The following ZSCAN2 variants were observed in gnomAD, a reference collection of about 807,000 sequenced individuals.
ZSCAN2 encodes zinc finger and SCAN domain-containing protein 2.
Under a neutral mutation model 47.8 loss-of-function variants are expected in ZSCAN2, and 26 were observed. That is an observed-to-expected ratio of 0.54 (90% CI 0.40 to 0.75). ZSCAN2 has a LOEUF of 0.75. ZSCAN2 is among the 30% of genes least tolerant of loss of function. The probability of loss-of-function intolerance (pLI) is 0.00; values close to 1 mark genes in which losing one functional copy is unlikely to be tolerated. For missense variants in ZSCAN2, 732 were observed against 785.4 expected (o/e 0.93, Z 0.81); for synonymous variants, 305 against 288.7 (o/e 1.06, Z -0.57).
intron 2 of ZSCAN2, chr15:84,614,500 T>C (rs1895642693): frequency 6.6e-6 from 1 of 152,250 alleles, no homozygotes; most frequent in Admixed American, 6.5e-5. Flanking sequence ...GTTGCCATGG[T>C]AGTTTTAGTC....
At chr15:84,606,772 G>T in intron 2 of ZSCAN2, 1 of 1,362,236 alleles carries the variant, frequency 7.3e-7, no homozygotes, top group Non-Finnish European at 9.4e-7. Context: ...GGGCACCTGA[G>T]ATGGGAACCA....
At chr15:84,612,037 A>G (rs1249142628) in intron 2 of ZSCAN2, 1 of 152,226 alleles carries the variant, frequency 6.6e-6, no homozygotes, top group African/African-American at 2.4e-5. Context: ...TTAATTGGCC[A>G]CCAATAAATA....
chr15:84,619,637 C>T (rs1282555852), intron 2 of ZSCAN2, among the ~76,000 whole-genome samples: 1 of 152,136 alleles, frequency 6.6e-6, no homozygotes, highest in Admixed American at 6.6e-5. Flanking sequence ...ATTATATAAG[C>T]TCCTTTTGAA....
chr15:84,620,565 T>A (rs1282839804), intron 2 of ZSCAN2, 37 bp from the exon 3 acceptor site: 1 of 1,524,362 alleles, frequency 6.6e-7, no homozygotes. Flanking sequence ...TGACAGGGAG[T>A]TGAGTAGACA....
At position 84,621,304 on chromosome 15, in the gene ZSCAN2, G is replaced by A. The variant is rs770122410; in HGVS notation, c.1109G>A (p.Ser370Asn). ...TACGAATGTAAAGAATGCGGCGAAA[G>A]CTTTAGTTACAACTCCAATCTAATC... ...KPYECKECGE[S>N]FSYNSNLIRH... The change falls in exon 3 of 3, where the codon AGC becomes AAC. Residue 370 changes from serine (S) to asparagine (N), a missense_variant. Physicochemically the swap from Ser to Asn is conservative, Grantham distance 46. Around this residue, in one of 2 missense-constraint regions of ZSCAN2, gnomAD observed 412 missense variants for 498.0 expected, o/e 0.83. Transcript: ENST00000546148. The surrounding 1 kb of genome is among the most constrained non-coding windows in gnomAD (Gnocchi z 5.7). The A allele has an allele frequency of 1.8e-5, 29 of 1,613,886 alleles. No homozygotes were observed. In the Admixed American group the frequency reaches 2.3e-4, roughly 13 times the overall value.
At chr15:84,608,644 C>T (rs1895455126) in intron 2 of ZSCAN2, among the ~76,000 whole-genome samples, 1 of 152,022 alleles carries the variant, frequency 6.6e-6, no homozygotes, top group South Asian at 2.1e-4. Flanking sequence ...CTCTGGTTCT[C>T]AAACTCAGCC....
chr15:84,602,627 C>T (rs530706116), intron 1 of ZSCAN2, among the ~76,000 whole-genome samples: 17 of 124,164 alleles, frequency 1.4e-4, no homozygotes, highest in East Asian at 4.7e-4. Flanking sequence ...CTGGCTCTTT[C>T]GCCCAGACTG....
intron 2 of ZSCAN2, among the ~76,000 whole-genome samples, chr15:84,619,531 C>T (rs551936012): frequency 6.6e-6 from 1 of 152,194 alleles, no homozygotes; most frequent in South Asian, 2.1e-4. Flanking sequence ...GTATACACAC[C>T]TAGGGTCCTT....
chr15:84,609,419 C>G (rs1402536954), intron 2 of ZSCAN2, among the ~76,000 whole-genome samples: 1 of 151,054 alleles, frequency 6.6e-6, no homozygotes, highest in African/African-American at 2.5e-5. Flanking sequence ...AACTCTTGGC[C>G]TCAAGTGGTC....
chr15:84,602,576 CCTTTT>C (rs1216502039), intron 1 of ZSCAN2, among the ~76,000 whole-genome samples: 1 of 147,428 alleles, frequency 6.8e-6, no homozygotes, highest in South Asian at 2.1e-4. Context: ...TCTTTTTTTT[CCTTTT>C]CTTTTCTTTT....
intron 2 of ZSCAN2, among the ~76,000 whole-genome samples, chr15:84,610,724 C>T (rs889699270): frequency 2.0e-4 from 30 of 152,028 alleles, no homozygotes; most frequent in Admixed American, 3.3e-4. Context: ...TGAACTCAGG[C>T]AATTCGCCCG....
chr15:84,608,186 C>T (rs1895438109), intron 2 of ZSCAN2, among the ~76,000 whole-genome samples: 1 of 152,008 alleles, frequency 6.6e-6, no homozygotes, highest in South Asian at 2.1e-4. Flanking sequence ...TTTCCCTCTC[C>T]CTTCAGTATC....
At chr15:84,604,719 T>C (rs531181827) in intron 2 of ZSCAN2, among the ~76,000 whole-genome samples, 2 of 150,936 alleles carry the variant, frequency 1.3e-5, no homozygotes, top group East Asian at 3.9e-4. Flanking sequence ...ATTTTCAACA[T>C]GACTTTTTTT....
chr15:84,614,155 T>G (rs1027939725), intron 2 of ZSCAN2, among the ~76,000 whole-genome samples: 1 of 145,242 alleles, frequency 6.9e-6, no homozygotes, highest in African/African-American at 2.5e-5. Context: ...CACACCCGGC[T>G]AATTCTGTTT....
chr15:84,610,300 TAGAC>T (rs886475476), intron 2 of ZSCAN2, among the ~76,000 whole-genome samples: 5 of 152,162 alleles, frequency 3.3e-5, no homozygotes, highest in African/African-American at 1.2e-4. Flanking sequence ...AGATCTGTAA[TAGAC>T]AGGATCTGAA....
chr15:84,618,230 C>G (rs1895738970), intron 2 of ZSCAN2, among the ~76,000 whole-genome samples: 1 of 152,110 alleles, frequency 6.6e-6, no homozygotes, highest in Non-Finnish European at 1.5e-5. Flanking sequence ...CCAGCCTGGC[C>G]AACATAGTGA....
chr15:84,616,224 G>A (rs1596035097), intron 2 of ZSCAN2: 2 of 816,946 alleles, frequency 2.4e-6, no homozygotes, highest in African/African-American at 1.7e-5. Context: ...GTGACAGAGT[G>A]AGACTTCATC....
At chr15:84,609,364 C>G (rs1428730322) in intron 2 of ZSCAN2, among the ~76,000 whole-genome samples, 1 of 151,458 alleles carries the variant, frequency 6.6e-6, no homozygotes, top group Non-Finnish European at 1.5e-5. Context: ...CTCTGTCAAC[C>G]CAGGCTGGAG....
At chr15:84,608,562 C>T (rs1426664992) in intron 2 of ZSCAN2, among the ~76,000 whole-genome samples, 4 of 148,788 alleles carry the variant, frequency 2.7e-5, no homozygotes, top group Non-Finnish European at 1.5e-5. Context: ...AAACTGAGGG[C>T]GATGCCCAGC....
Sources: gnomAD v4.1 joint callset for allele counts (sites outside exome capture counted in the v4.1 genomes callset) on GRCh38, gnomAD v4.1.1 for gene constraint, gnomAD v4.1.1 regional missense constraint, Gnocchi (gnomAD v3.1) non-coding constraint, MANE v1.5 for transcripts, NCBI Gene and HGNC (gene_info 2026-07-23, HGNC 2026-07-21) for gene names.